The following PTPRD variants were observed in gnomAD, a reference collection of about 807,000 sequenced individuals.
PTPRD encodes receptor-type tyrosine-protein phosphatase delta.
Under a neutral mutation model 214.5 loss-of-function variants are expected in PTPRD, and 34 were observed. The ratio of observed to expected loss-of-function variants is 0.16; its 90% CI spans 0.12 to 0.21. The LOEUF (loss-of-function observed/expected upper bound fraction) is 0.21. Among genes scored for constraint, PTPRD ranks in the 10% least tolerant of loss-of-function variants. The probability of loss-of-function intolerance (pLI) is 1.00; values close to 1 mark genes in which losing one functional copy is unlikely to be tolerated. For synonymous variants in PTPRD, 1,128 were observed against 845.7 expected (o/e 1.33, Z -5.79); for missense variants, 2,545 against 2,398.7 (o/e 1.06, Z -1.27).
At chr9:9,890,785 C>T (rs904629973) in intron 5 of PTPRD, among the ~76,000 whole-genome samples, 2 of 152,036 alleles carry the variant, frequency 1.3e-5, no homozygotes, top group African/African-American at 4.8e-5. Context: ...AAGGGGAAAG[C>T]AGGCGCCTAT....
At chr9:9,487,326 T>TC (rs2095689996) in intron 8 of PTPRD, among the ~76,000 whole-genome samples, 1 of 152,090 alleles carries the variant, frequency 6.6e-6, no homozygotes, top group Non-Finnish European at 1.5e-5. Context: ...TTTTTTGTCC[T>TC]TGCGATAGTT....
At chr9:9,366,725 A>G (rs1376220032) in intron 9 of PTPRD, among the ~76,000 whole-genome samples, 1 of 151,600 alleles carries the variant, frequency 6.6e-6, no homozygotes. Context: ...ACGAATCATT[A>G]AGAATATGGA....
intron 2 of PTPRD, among the ~76,000 whole-genome samples, chr9:10,590,665 A>C (rs1591578282): frequency 6.6e-6 from 1 of 152,004 alleles, no homozygotes; most frequent in East Asian, 1.9e-4. Context: ...TTATTGCTGT[A>C]TAGTATTCCT....
At chr9:8,544,605 G>C (rs1405768371) in intron 14 of PTPRD, among the ~76,000 whole-genome samples, 1 of 151,414 alleles carries the variant, frequency 6.6e-6, no homozygotes, top group East Asian at 2.0e-4. Context: ...GAATAGCTGG[G>C]ATTACAGGCG....
chr9:9,387,891 G>C (rs28517759), intron 9 of PTPRD, among the ~76,000 whole-genome samples: 634 of 152,218 alleles, frequency 4.2e-3, no homozygotes, highest in African/African-American at 0.014. Context: ...GTTTACAGCT[G>C]AAGCCCCAGT....
At chr9:8,862,712 G>A (rs936382412) in intron 11 of PTPRD, among the ~76,000 whole-genome samples, 1 of 152,172 alleles carries the variant, frequency 6.6e-6, no homozygotes, top group Non-Finnish European at 1.5e-5. Flanking sequence ...TTTCTTCAAG[G>A]CAGCATCTCT....
At chr9:10,323,383 C>T (rs903572396) in intron 3 of PTPRD, among the ~76,000 whole-genome samples, 1 of 149,952 alleles carries the variant, frequency 6.7e-6, no homozygotes, top group African/African-American at 2.5e-5. Context: ...CAATCTCAGC[C>T]TCCTGGGCTC....
rs2134464077 is a variant in PTPRD at position 8,465,561 on chromosome 9, C to T, written c.3619G>A (p.Asp1207Asn). 6.2e-7 allele frequency: 1 copy of T among 1,612,606 alleles called. No individual in the cohort carries two copies. The highest frequency in any genetic ancestry group is 8.5e-7 in the Non-Finnish European group (1 of 1,179,062). ...DVLPTEFTLGDDKHYGGFTNK... is the reference protein window; with the variant it reads ...DVLPTEFTLGNDKHYGGFTNK... ...GTAAATCCACCATAATGCTTGTCAT[C>T]CCCCAGGGTGAACTCAGTGGGAAGG... Residue 1207 changes from aspartate (D) to asparagine (N), a missense_variant, in exon 32 of 46, where the codon GAT (aspartate) becomes AAT (asparagine). Transcript: ENST00000381196.
chr9:8,775,552 T>A (rs1302838995), intron 11 of PTPRD, among the ~76,000 whole-genome samples: 3 of 150,434 alleles, frequency 2.0e-5, no homozygotes, highest in Non-Finnish European at 4.4e-5. Flanking sequence ...CTTAGTCACA[T>A]GTACTTTCTA....
At chr9:9,103,934 G>A (rs1002307324) in intron 10 of PTPRD, among the ~76,000 whole-genome samples, 2 of 152,146 alleles carry the variant, frequency 1.3e-5, no homozygotes, top group African/African-American at 4.8e-5. Context: ...AGCGAGCCAA[G>A]ATGTTGCCAC....
chr9:10,058,074 G>C (rs149934049), intron 3 of PTPRD, among the ~76,000 whole-genome samples: 2 of 152,052 alleles, frequency 1.3e-5, no homozygotes, highest in Non-Finnish European at 2.9e-5. Context: ...GAGAAGACAA[G>C]AGTGGAAATG....
intron 11 of PTPRD, among the ~76,000 whole-genome samples, chr9:8,926,203 G>A: frequency 6.6e-6 from 1 of 151,848 alleles, no homozygotes. Flanking sequence ...CTGCTGCCAA[G>A]GTTTTATCAA....
intron 2 of PTPRD, among the ~76,000 whole-genome samples, chr9:10,458,739 A>G (rs1354535987): frequency 6.6e-6 from 1 of 152,216 alleles, no homozygotes; most frequent in African/African-American, 2.4e-5. Context: ...AAAAGGAAGA[A>G]GAAAAATTAT....
At chr9:9,810,179 T>G (rs2046707144) in intron 5 of PTPRD, among the ~76,000 whole-genome samples, 1 of 149,818 alleles carries the variant, frequency 6.7e-6, no homozygotes. Flanking sequence ...CACACGATAG[T>G]TTTAAGAAGC....
intron 12 of PTPRD, among the ~76,000 whole-genome samples, chr9:8,712,271 G>T (rs769820961): frequency 6.6e-6 from 1 of 152,170 alleles, no homozygotes; most frequent in Non-Finnish European, 1.5e-5. Context: ...AGTAAAGACA[G>T]CCTGTATCAA....
At chr9:9,175,641 A>ACAAAC in intron 10 of PTPRD, among the ~76,000 whole-genome samples, 1 of 140,402 alleles carries the variant, frequency 7.1e-6, no homozygotes, top group African/African-American at 2.6e-5. Context: ...AAAAAAAAAA[A>ACAAAC]AAAAAAAAAG....
intron 7 of PTPRD, among the ~76,000 whole-genome samples, chr9:9,711,675 G>A (rs1038792144): frequency 6.6e-6 from 1 of 152,130 alleles, no homozygotes; most frequent in African/African-American, 2.4e-5. Context: ...AGACACTTTT[G>A]ATGATCAGAA....
intron 30 of PTPRD, among the ~76,000 whole-genome samples, chr9:8,472,200 T>A (rs1027484286): frequency 4.6e-5 from 7 of 152,196 alleles, no homozygotes; most frequent in Non-Finnish European, 1.0e-4. Context: ...TTTTCTTATT[T>A]ACTCTATGTG....
chr9:8,962,112 AC>A (rs1234632767), intron 11 of PTPRD: 2 of 152,120 alleles, frequency 1.3e-5, no homozygotes, highest in Non-Finnish European at 2.9e-5. Context: ...CATTTAACAA[AC>A]TTTTATTTAG....
Sources: allele counts gnomAD v4.1 joint callset (sites outside exome capture counted in the v4.1 genomes callset), GRCh38; gene constraint gnomAD v4.1.1; transcripts MANE v1.5; gene names NCBI Gene and HGNC (gene_info 2026-07-23, HGNC 2026-07-21).